MIPOL1: variants seen among roughly 807,000 people sequenced by gnomAD.
MIPOL1 encodes the protein mirror-image polydactyly 1.
A neutral mutation model predicts 60.9 loss-of-function variants in MIPOL1; 57 were observed. The ratio of observed to expected loss-of-function variants is 0.94; its 90% CI spans 0.76 to 1.17. The LOEUF is 1.17. Among genes scored for constraint, MIPOL1 ranks in the 50% most tolerant of loss-of-function variants. MIPOL1 has a pLI of 0.00. For missense variants in MIPOL1, 551 were observed against 511.6 expected (o/e 1.08, Z -0.74); for synonymous variants, 179 against 168.8 (o/e 1.06, Z -0.47).
intron 11 of MIPOL1, among the ~76,000 whole-genome samples, chr14:37,472,247 G>T (rs2094698904): frequency 6.6e-6 from 1 of 152,108 alleles, no homozygotes; most frequent in East Asian, 1.9e-4. Flanking sequence ...TTTTCCTAAG[G>T]GAGTTGGGAT....
chr14:37,450,669 T>G (rs562941908), intron 11 of MIPOL1, among the ~76,000 whole-genome samples: 8 of 152,250 alleles, frequency 5.3e-5, no homozygotes, highest in African/African-American at 1.7e-4. Flanking sequence ...TCCTTAATAT[T>G]ATTTGATAGT....
chr14:37,410,782 C>T (rs1355659401), intron 10 of MIPOL1, among the ~76,000 whole-genome samples: 2 of 152,004 alleles, frequency 1.3e-5, no homozygotes, highest in African/African-American at 4.8e-5. Context: ...CAAGCTATAT[C>T]TTGTAATTTC....
intron 11 of MIPOL1, among the ~76,000 whole-genome samples, chr14:37,467,568 C>T (rs886355299): frequency 4.6e-5 from 7 of 152,218 alleles, no homozygotes; most frequent in South Asian, 2.1e-4. Context: ...AAGTTACCTT[C>T]GGGAGAATCA....
chr14:37,303,562 A>T (rs1413824021), intron 7 of MIPOL1, among the ~76,000 whole-genome samples: 3 of 151,688 alleles, frequency 2.0e-5, no homozygotes, highest in Non-Finnish European at 4.4e-5. Flanking sequence ...TATTTGTTAC[A>T]GTTTTTATTA....
intron 1 of MIPOL1, among the ~76,000 whole-genome samples, chr14:37,240,973 TTATTA>T (rs1972267900): frequency 6.7e-6 from 1 of 149,310 alleles, no homozygotes; most frequent in Admixed American, 6.6e-5. Context: ...ACACACAGGT[TTATTA>T]TAAGAATTGA....
rs533407304 is a variant in MIPOL1, at chr14:37,484,430, C to T, written c.1032-15478C>T. Among the ~76,000 whole-genome samples, 154 of 151,766 alleles carry T rather than the reference C, an allele frequency of 1.0e-3. 1 individual carries two copies. Among genetic ancestry groups the T allele is most frequent in the South Asian group, 7.5e-3 (36 of 4,784 alleles). On this transcript the variant is annotated intron_variant, in intron 11 of 12. Coordinates refer to ENST00000684589, the MANE Select transcript of MIPOL1 (RefSeq NM_001388067.1). Reference sequence around the variant, plus strand: ...TTGGCTTACTGCAACCTCCGCCTCCCGGATTCAAGCAATTCTCCTGACTCA... The same window carrying T: ...TTGGCTTACTGCAACCTCCGCCTCCTGGATTCAAGCAATTCTCCTGACTCA...
chr14:37,541,483 A>T (rs1458705155), intron 12 of MIPOL1, among the ~76,000 whole-genome samples: 3 of 152,218 alleles, frequency 2.0e-5, no homozygotes, highest in Non-Finnish European at 4.4e-5. Context: ...GGGGGAAAAA[A>T]TTATACCACA....
chr14:37,201,114 A>G (rs1965266245), intron 1 of MIPOL1, among the ~76,000 whole-genome samples: 1 of 151,898 alleles, frequency 6.6e-6, no homozygotes, highest in South Asian at 2.1e-4. Context: ...CATGTTGCCC[A>G]GGCTGGTTTT....
chr14:37,303,092 A>G (rs1462089278), intron 7 of MIPOL1, among the ~76,000 whole-genome samples: 1 of 151,926 alleles, frequency 6.6e-6, no homozygotes, highest in African/African-American at 2.4e-5. Flanking sequence ...ATTTGCTTCT[A>G]AAAAGATTTT....
chr14:37,518,849 A>G (rs920771956), intron 12 of MIPOL1, among the ~76,000 whole-genome samples: 1 of 152,160 alleles, frequency 6.6e-6, no homozygotes, highest in Non-Finnish European at 1.5e-5. Flanking sequence ...AATGGGGGTT[A>G]TATAGAAAGG....
chr14:37,351,065 C>CG (rs2091324807), intron 9 of MIPOL1, among the ~76,000 whole-genome samples: 1 of 119,678 alleles, frequency 8.4e-6, no homozygotes, highest in Non-Finnish European at 1.7e-5. Context: ...CCCCTCCCCC[C>CG]ACCCCACAAC....
chr14:37,215,929 A>C (rs765196941), intron 1 of MIPOL1, among the ~76,000 whole-genome samples: 7 of 152,094 alleles, frequency 4.6e-5, no homozygotes, highest in Non-Finnish European at 7.4e-5. Context: ...TTAGCCAGGC[A>C]TGGTGGCAGG....
At chr14:37,373,719 C>T (rs2092702218) in intron 10 of MIPOL1, among the ~76,000 whole-genome samples, 1 of 152,130 alleles carries the variant, frequency 6.6e-6, no homozygotes, top group Non-Finnish European at 1.5e-5. Flanking sequence ...ATAAACTCAT[C>T]CTTTTTGATG....
At chr14:37,350,081 C>A (rs1009337550) in intron 9 of MIPOL1, among the ~76,000 whole-genome samples, 1 of 151,744 alleles carries the variant, frequency 6.6e-6, no homozygotes, top group African/African-American at 2.4e-5. Context: ...ATTCTTTTTC[C>A]TCTTTTCAGA....
At chr14:37,240,537 A>C (rs1197666230) in intron 1 of MIPOL1, 1 of 152,198 alleles carries the variant, frequency 6.6e-6, no homozygotes, top group Non-Finnish European at 1.5e-5. Context: ...ATCTTAAGAA[A>C]ACAGGCTATT....
chr14:37,214,814 C>T (rs1289294827), intron 1 of MIPOL1, among the ~76,000 whole-genome samples: 1 of 152,032 alleles, frequency 6.6e-6, no homozygotes, highest in Non-Finnish European at 1.5e-5. Flanking sequence ...CCAAGCGGAC[C>T]GTGGTCTAGC....
intron 1 of MIPOL1, among the ~76,000 whole-genome samples, chr14:37,214,981 A>G (rs1470367811): frequency 1.3e-5 from 2 of 151,880 alleles, no homozygotes; most frequent in Non-Finnish European, 1.5e-5. Context: ...CGGCCTAACC[A>G]TCTCCCTGTG....
rs1264018163 is a variant in MIPOL1, at chr14:37,416,215, A to G, written c.937-6640A>G. ...ACTTAAACTATACTTAACAAAAAAT[A>G]TTAAAATCAAGTCTTTAAAATGTAT... On this transcript the variant is annotated intron_variant, in intron 10 of 12. Coordinates refer to ENST00000684589, the MANE Select transcript of MIPOL1 (RefSeq NM_001388067.1). 3.9e-5 allele frequency among the ~76,000 whole-genome samples: 6 copies of G among 152,350 alleles called. 1 individual carries two copies. The South Asian group carries it at 8.3e-4, about 21-fold the overall frequency.
intron 9 of MIPOL1, among the ~76,000 whole-genome samples, chr14:37,356,229 G>T (rs544352338): frequency 0.012 from 1,770 of 151,868 alleles, 13 homozygotes; most frequent in Non-Finnish European, 0.019. Context: ...GGGGGTCAGG[G>T]GTCAGGGACC....
Sources: allele counts gnomAD v4.1 joint callset (sites outside exome capture counted in the v4.1 genomes callset), GRCh38; gene constraint gnomAD v4.1.1; transcripts MANE v1.5; gene names NCBI Gene and HGNC (gene_info 2026-07-23, HGNC 2026-07-21).